The following OPCML variants were observed in gnomAD, a reference collection of about 807,000 sequenced individuals.
OPCML encodes the protein opioid binding protein/cell adhesion molecule like, also known as opioid-binding protein/cell adhesion molecule.
In OPCML, 13 loss-of-function variants were observed where a neutral mutation model predicts 37.8. The observed-to-expected ratio is 0.34, with a 90% CI of 0.22 to 0.55. OPCML has a LOEUF of 0.55. Among genes scored for constraint, OPCML ranks in the 20% least tolerant of loss-of-function variants. OPCML has a pLI of 0.91. For missense variants in OPCML, 341 were observed against 435.6 expected, an observed-to-expected ratio of 0.78 and a Z score of 1.93; for synonymous variants, 176 against 168.8, an observed-to-expected ratio of 1.04 and a Z score of -0.33.
At chr11:133,066,211 T>A (rs1301676216) in intron 1 of OPCML, 2 of 152,224 alleles carry the variant, frequency 1.3e-5, no homozygotes, top group Non-Finnish European at 2.9e-5. Context: ...CAATGGCCAC[T>A]CCCCTTTCAG....
chr11:132,874,922 ACCTCAGCT>A (rs1014364487), intron 2 of OPCML, among the ~76,000 whole-genome samples: 9 of 152,286 alleles, frequency 5.9e-5, no homozygotes, highest in Admixed American at 1.3e-4. Context: ...TATGTTTCTA[ACCTCAGCT>A]CCTCACCACC....
chr11:132,826,193 T>C (rs1195779319), intron 2 of OPCML, among the ~76,000 whole-genome samples: 1 of 152,222 alleles, frequency 6.6e-6, no homozygotes, highest in South Asian at 2.1e-4. Flanking sequence ...TAAGTATGCA[T>C]GCTTGTCTGT....
intron 1 of OPCML, among the ~76,000 whole-genome samples, chr11:133,472,518 C>T (rs951339235): frequency 3.3e-5 from 5 of 151,706 alleles, no homozygotes; most frequent in Non-Finnish European, 7.4e-5. Context: ...ATCAGGCAAA[C>T]CCCGATCTTC....
At chr11:132,975,165 TAA>T (rs905800740) in intron 1 of OPCML, among the ~76,000 whole-genome samples, 4 of 151,866 alleles carry the variant, frequency 2.6e-5, no homozygotes, top group Middle Eastern at 3.4e-3. Flanking sequence ...ACATGAAACT[TAA>T]GATTGCAGTA....
At chr11:132,811,676 C>T (rs905467844) in intron 2 of OPCML, among the ~76,000 whole-genome samples, 1 of 152,152 alleles carries the variant, frequency 6.6e-6, no homozygotes, top group African/African-American at 2.4e-5. Context: ...TAATGAACCC[C>T]CAACAGCCTG....
At chr11:132,805,478 T>C (rs191699452) in intron 2 of OPCML, among the ~76,000 whole-genome samples, 18 of 152,162 alleles carry the variant, frequency 1.2e-4, no homozygotes, top group African/African-American at 3.9e-4. Context: ...AGAATAAATA[T>C]AAAGAGAACC....
In OPCML at chr11:132,436,144, G is replaced by A; in HGVS notation, c.858C>T (p.Asn286=). Residue 286 remains asparagine (N), a synonymous_variant, in exon 7 of 8, where the codon AAC becomes AAT. Coordinates refer to ENST00000524381, the MANE Select transcript of OPCML (RefSeq NM_001012393.5). ...FFNVSEKDYG[N]YTCVATNKLG... is the part of the protein sequence containing the mutation. ...GCTTGTTCGTGGCCACACAAGTATA[G>A]TTCCCATAATCCTTTTCTGAAACAT... 1 of 1,614,208 alleles carries A rather than the reference G, an allele frequency of 6.2e-7. No individual in the cohort carries two copies. The highest frequency in any genetic ancestry group is 1.1e-5 in the South Asian group (1 of 91,086).
chr11:132,643,274 C>T (rs949348639), intron 3 of OPCML, among the ~76,000 whole-genome samples: 1 of 152,170 alleles, frequency 6.6e-6, no homozygotes, highest in Non-Finnish European at 1.5e-5. Flanking sequence ...GAGACTCCAT[C>T]TCTAAAAAAG....
Position 132,700,882 on chromosome 11 carries a change from T to C in OPCML, c.147-43563A>G, listed in dbSNP as rs555660514. Among the ~76,000 whole-genome samples, 79 of 152,310 alleles carry C rather than the reference T, an allele frequency of 5.2e-4. No individual in the cohort carries two copies. The South Asian group carries it at 0.016, about 31-fold the overall frequency. ...TCTATCTATCGTTGAAAATAATGTA[T>C]TCAAGTCCCTTACTATTACTGTATT... On this transcript the variant is annotated intron_variant, in intron 2 of 7. Coordinates refer to ENST00000524381, the MANE Select transcript of OPCML (RefSeq NM_001012393.5).
intron 1 of OPCML, among the ~76,000 whole-genome samples, chr11:132,994,347 C>T (rs773884887): frequency 2.6e-5 from 4 of 152,152 alleles, no homozygotes; most frequent in Non-Finnish European, 5.9e-5. Context: ...AAAGACTAAA[C>T]CTACCAGGTC....
intron 2 of OPCML, among the ~76,000 whole-genome samples, chr11:132,740,729 G>A (rs777321705): frequency 1.3e-4 from 19 of 151,954 alleles, no homozygotes; most frequent in Non-Finnish European, 2.5e-4. Context: ...AATAAACAGA[G>A]GCCATGAAGG....
chr11:133,497,739 T>C (rs1452547779), intron 1 of OPCML, among the ~76,000 whole-genome samples: 1 of 152,190 alleles, frequency 6.6e-6, no homozygotes, highest in Non-Finnish European at 1.5e-5. Context: ...CAGTTTGTGC[T>C]ATTTCCCCAA....
At chr11:132,803,138 C>A (rs536461611) in intron 2 of OPCML, among the ~76,000 whole-genome samples, 8 of 152,274 alleles carry the variant, frequency 5.3e-5, no homozygotes, top group South Asian at 2.1e-4. Flanking sequence ...CTGACCTAAG[C>A]AAATGCATTA....
rs74208302 is a variant in OPCML, at chr11:133,140,862, C to G, written c.62-197852G>C. 8.2e-4 allele frequency among the ~76,000 whole-genome samples: 32 copies of G among 38,994 alleles called. 4 individuals carry two copies. The highest frequency in any genetic ancestry group is 2.0e-3 in the African/African-American group (24 of 11,848). 25.6% of individuals were successfully genotyped at this position (38,994 alleles called of 152,430 possible). ...AAGACGACGACGACGACGAAGAAGA[C>G]GACGACGACGAAGAAGACGACGACG... On this transcript the variant is annotated intron_variant, in intron 1 of 7. Transcript: ENST00000524381.
chr11:133,020,735 T>C lies in OPCML; in HGVS notation c.62-77725A>G, dbSNP rs768358136. Among the ~76,000 whole-genome samples the C allele has an allele frequency of 1.3e-5, 2 of 152,212 alleles. 1 individual carries two copies. The highest frequency in any genetic ancestry group is 2.9e-5 in the Non-Finnish European group (2 of 68,042). ...ACGAGAGAGTAATGTTTCTGAGCTA[T>C]GGGATAAGACCAATTTCATGTTCAA... On this transcript the variant is annotated intron_variant, in intron 1 of 7. Transcript: ENST00000524381.
At chr11:133,472,936 C>A (rs1431773120) in intron 1 of OPCML, among the ~76,000 whole-genome samples, 1 of 152,018 alleles carries the variant, frequency 6.6e-6, no homozygotes, top group Non-Finnish European at 1.5e-5. Flanking sequence ...AGCGCCCAAC[C>A]CCACCTGCCC....
chr11:132,770,096 G>GA (rs200061831), intron 2 of OPCML, among the ~76,000 whole-genome samples: 1,616 of 151,676 alleles, frequency 0.011, 13 homozygotes, highest in Middle Eastern at 0.031. Context: ...TTAGAGGAAA[G>GA]AAAAAAAATA....
chr11:133,155,727 C>T (rs1950052067), intron 1 of OPCML, among the ~76,000 whole-genome samples: 1 of 152,184 alleles, frequency 6.6e-6, no homozygotes, highest in Non-Finnish European at 1.5e-5. Context: ...GACATCTCCG[C>T]AGATTTAAAT....
chr11:133,507,526 C>G (rs544916593), intron 1 of OPCML, among the ~76,000 whole-genome samples: 6 of 152,140 alleles, frequency 3.9e-5, no homozygotes, highest in Admixed American at 1.3e-4. Flanking sequence ...CCTAGGGCTC[C>G]TCTCACCAGG....
Sources: gnomAD v4.1 joint callset for allele counts (sites outside exome capture counted in the v4.1 genomes callset) on GRCh38, gnomAD v4.1.1 for gene constraint, MANE v1.5 for transcripts, NCBI Gene and HGNC (gene_info 2026-07-23, HGNC 2026-07-21) for gene names.